TIAL1: variants seen among roughly 807,000 people sequenced by gnomAD.
TIAL1 encodes the protein TIA1 cytotoxic granule associated RNA binding protein like 1, also known as nucleolysin TIAR.
TIAL1 carries 7 observed loss-of-function variants against 59.7 expected under a neutral mutation model. That is an observed-to-expected ratio of 0.12 (90% CI 0.07 to 0.22). The LOEUF is 0.22. Ranked by LOEUF, TIAL1 falls within the 10% of genes least tolerant of loss-of-function variation. TIAL1 has a pLI of 1.00. For synonymous variants in TIAL1, 149 were observed against 146.3 expected (o/e 1.02, Z -0.13); for missense variants, 225 against 462.5 (o/e 0.49, Z 4.71).
chr10:119,596,683 C>T lies in TIAL1; in HGVS notation c.-218G>A. ...AGGAGGATGAACAAAATGGCCGCCG[C>T]CACCAGCCAGGCAGGAAACAGGGCA... is the stretch of plus-strand genomic sequence containing the variant. On this transcript the variant is annotated 5_prime_UTR_variant, in exon 1 of 12. Coordinates refer to ENST00000436547, the MANE Select transcript of TIAL1 (RefSeq NM_003252.4). The T allele has an allele frequency of 1.7e-6, 1 of 588,896 alleles. No individual in the cohort carries two copies. Among genetic ancestry groups the T allele is most frequent in the Non-Finnish European group, 3.0e-6 (1 of 330,682 alleles). 36.5% of individuals were successfully genotyped at this position (588,896 alleles called of 1,614,324 possible). A position where few individuals can be genotyped will look rare whatever the true frequency, so the allele number is the denominator to read the frequency against.
chr10:119,587,777 C>G (rs1290918707), intron 2 of TIAL1, among the ~76,000 whole-genome samples: 2 of 152,180 alleles, frequency 1.3e-5, no homozygotes, highest in African/African-American at 4.8e-5. Context: ...GTGCTGCACA[C>G]TACACACATA....
At chr10:119,590,808 G>GAAAGAAAA (rs1845840363) in intron 1 of TIAL1, among the ~76,000 whole-genome samples, 2 of 142,074 alleles carry the variant, frequency 1.4e-5, no homozygotes, top group Non-Finnish European at 3.1e-5. Context: ...AAGAAAGAAA[G>GAAAGAAAA]AAAGAAAGAA....
At position 119,596,520 on chromosome 10, in the gene TIAL1, G is replaced by A; in HGVS notation, c.-55C>T. On this transcript the variant is annotated 5_prime_UTR_variant, in exon 1 of 12. Coordinates refer to ENST00000436547, the MANE Select transcript of TIAL1 (RefSeq NM_003252.4). ...AGGGGGAGGGCAGGGTTGGGGAGGG[G>A]AGGGGGTGGGGAGGAAGGGGAGGGG... 1 of 810,474 alleles carries A rather than the reference G, an allele frequency of 1.2e-6. No homozygotes were observed. Among genetic ancestry groups the A allele is most frequent in the Admixed American group, 2.3e-5 (1 of 43,420 alleles). 50.2% of individuals were successfully genotyped at this position (810,474 alleles called of 1,614,324 possible).
In TIAL1 at chr10:119,588,258, A is replaced by G; in HGVS notation, c.33-10T>C. The stretch of plus-strand genomic sequence containing the variant: ...AAGGTTACCTACGTATCTGCACAAG[A>G]AAAAAATACGTTATCAGCAATTTTT... On this transcript the variant is annotated splice_polypyrimidine_tract_variant and intron_variant, in intron 1 of 11. Transcript: ENST00000436547. 1 of 1,532,066 alleles carries G rather than the reference A, an allele frequency of 6.5e-7. No homozygotes were observed. Among genetic ancestry groups the G allele is most frequent in the Non-Finnish European group, 8.8e-7 (1 of 1,130,448 alleles). 94.9% of individuals were successfully genotyped at this position (1,532,066 alleles called of 1,614,324 possible). A position where few individuals can be genotyped will look rare whatever the true frequency, so the allele number is the denominator to read the frequency against.
Position 119,582,635 on chromosome 10 carries a change from T to C in TIAL1, c.130-78A>G. 1 of 1,580,324 alleles carries C rather than the reference T, an allele frequency of 6.3e-7. No individual in the cohort carries two copies. Among genetic ancestry groups the C allele is most frequent in the Non-Finnish European group, 8.6e-7 (1 of 1,167,714 alleles). On this transcript the variant is annotated intron_variant, in intron 2 of 11. Transcript: ENST00000436547. The surrounding 1 kb of genome is among the most constrained non-coding windows in gnomAD (Gnocchi z 5.1). ...TGAGAAGAAAATCCAGGAAAAAACATTACTGATAGCTGGGAATATACAAGG... is the reference window on the plus strand; with the variant it reads ...TGAGAAGAAAATCCAGGAAAAAACACTACTGATAGCTGGGAATATACAAGG...
chr10:119,575,693 T>C lies in TIAL1; in HGVS notation c.1100A>G (p.Tyr367Cys). Residue 367 changes from tyrosine to cysteine, a missense_variant, in exon 12 of 12, where the codon TAT (tyrosine) becomes TGT (cysteine). Transcript: ENST00000436547. Reference protein sequence around the residue: ...PVIPPPNQAGYGMASYQTQ With the variant: ...PVIPPPNQAGCGMASYQTQ Reference sequence around the variant, plus strand: ...CTGTGTTTGGTAACTTGCCATACCATATCCGGCTTGGTTAGGAGGAGGTAT... The same window carrying C: ...CTGTGTTTGGTAACTTGCCATACCACATCCGGCTTGGTTAGGAGGAGGTAT... 1 of 1,612,948 alleles carries C rather than the reference T, an allele frequency of 6.2e-7. No individual in the cohort carries two copies. The highest frequency in any genetic ancestry group is 8.5e-7 in the Non-Finnish European group (1 of 1,179,524).
rs1844905628 is a variant in TIAL1, at chr10:119,574,908, A to G, written c.*757T>C. 6.6e-6 allele frequency: 1 copy of G among 152,648 alleles called. No individual in the cohort carries two copies. Among genetic ancestry groups the G allele is most frequent in the Non-Finnish European group, 1.5e-5 (1 of 68,040 alleles). 9.5% of individuals were successfully genotyped at this position (152,648 alleles called of 1,614,324 possible). A position where few individuals can be genotyped will look rare whatever the true frequency, so the allele number is the denominator to read the frequency against. ...TATCATTTAAACTTCATGTAAAAGC[A>G]CAAGTATGACTGTCTGACTTCAATA... On this transcript the variant is annotated 3_prime_UTR_variant, in exon 12 of 12. Transcript: ENST00000436547.
intron 1 of TIAL1, 74 bp from the exon 2 acceptor site, chr10:119,588,322 T>A: frequency 1.2e-6 from 1 of 826,204 alleles, no homozygotes; most frequent in Admixed American, 2.9e-5. Flanking sequence ...ATCTAATTCA[T>A]CACCTTTTCT....
rs1459902572 is a variant in TIAL1 at position 119,575,750 on chromosome 10, T to C, written c.1043A>G (p.Gln348Arg). 3.7e-6 allele frequency: 6 copies of C among 1,601,540 alleles called. No individual in the cohort carries two copies. The highest frequency in any genetic ancestry group is 5.1e-6 in the Non-Finnish European group (6 of 1,174,812). Reference sequence around the variant, plus strand: ...GGGAGGAGCTTGTCCTTGGGGAGGCTGAGCACCAAATCCACCCATCCAAGC... The same window carrying C: ...GGGAGGAGCTTGTCCTTGGGGAGGCCGAGCACCAAATCCACCCATCCAAGC... The part of the protein sequence containing the change: ...SAAWMGGFGA[Q>R]PPQGQAPPPV... The change falls in exon 12 of 12, where the codon CAG (glutamine) becomes CGG (arginine). Residue 348 changes from glutamine (Q) to arginine (R), a missense_variant. Around this residue, in one of 4 missense-constraint regions of TIAL1, gnomAD observed 68 missense variants for 71.3 expected, o/e 0.95. Transcript: ENST00000436547.
intron 1 of TIAL1, among the ~76,000 whole-genome samples, chr10:119,592,755 A>AGATCTATTGAAG (rs1845945990): frequency 7.3e-6 from 1 of 136,680 alleles, no homozygotes; most frequent in Non-Finnish European, 1.6e-5. Flanking sequence ...TATATATATG[A>AGATCTATTGAAG]GATATTCTCA....
chr10:119,583,545 T>C (rs1303093726), intron 2 of TIAL1, among the ~76,000 whole-genome samples: 1 of 152,204 alleles, frequency 6.6e-6, no homozygotes, highest in Non-Finnish European at 1.5e-5. Context: ...GCTAAAAACA[T>C]TCATCATTAT....
At chr10:119,588,083 G>GA in intron 2 of TIAL1, 69 bp downstream of exon 2, 1 of 948,996 alleles carries the variant, frequency 1.1e-6, no homozygotes, top group Non-Finnish European at 1.5e-6. Flanking sequence ...GGCTTACAAT[G>GA]AAATTTTAAA....
chr10:119,595,216 A>G (rs1271144827), intron 1 of TIAL1, among the ~76,000 whole-genome samples: 1 of 152,168 alleles, frequency 6.6e-6, no homozygotes, highest in Non-Finnish European at 1.5e-5. Context: ...GAAGCTAGTC[A>G]AACTTCTCGA....
At chr10:119,578,192 T>A (rs1321225344) in intron 7 of TIAL1, among the ~76,000 whole-genome samples, 1 of 119,626 alleles carries the variant, frequency 8.4e-6, no homozygotes, top group African/African-American at 3.3e-5. Context: ...ACCACTGTAC[T>A]CCAGCCTGGG....
At chr10:119,580,088 G>T in intron 5 of TIAL1, 78 bp from the exon 6 acceptor site, 1 of 1,146,824 alleles carries the variant, frequency 8.7e-7, no homozygotes, top group Non-Finnish European at 1.3e-6. Flanking sequence ...CACACACACT[G>T]TATTGTGAGC....
intron 1 of TIAL1, among the ~76,000 whole-genome samples, chr10:119,595,573 AT>A (rs1392770497): frequency 6.6e-6 from 1 of 152,242 alleles, no homozygotes; most frequent in African/African-American, 2.4e-5. Flanking sequence ...CATTCATTAG[AT>A]TGAGCTTCAG....
At position 119,577,551 on chromosome 10, in the gene TIAL1, T is replaced by C. The variant is rs779295090; in HGVS notation, c.653-16A>G. On this transcript the variant is annotated splice_polypyrimidine_tract_variant and intron_variant, in intron 8 of 11. Transcript: ENST00000436547. ...ATAAGCTGATCTATAAAACAAAACA[T>C]ACAAATAAAACATGGCTGATGTGTA... 3 of 1,611,644 alleles carry C rather than the reference T, an allele frequency of 1.9e-6. No homozygotes were observed. The highest frequency in any genetic ancestry group is 2.7e-5 in the African/African-American group (2 of 74,826).
Position 119,575,547 on chromosome 10 carries a change from A to T in TIAL1, c.*118T>A. ...AAAGCAAATCTGTGCTAAAGGTTCC[A>T]AACATTTCAATTTTTAAAATAAATA... On this transcript the variant is annotated 3_prime_UTR_variant, in exon 12 of 12. Coordinates refer to ENST00000436547, the MANE Select transcript of TIAL1 (RefSeq NM_003252.4). 7.0e-7 allele frequency: 1 copy of T among 1,425,408 alleles called. No individual in the cohort carries two copies. Among genetic ancestry groups the T allele is most frequent in the Non-Finnish European group, 9.7e-7 (1 of 1,028,598 alleles). 88.3% of individuals were successfully genotyped at this position (1,425,408 alleles called of 1,614,324 possible).
intron 1 of TIAL1, among the ~76,000 whole-genome samples, chr10:119,591,262 A>G (rs991416380): frequency 1.3e-5 from 2 of 151,928 alleles, no homozygotes; most frequent in Admixed American, 1.3e-4. Context: ...AAAATTAGCC[A>G]GGCATGGTGG....
Sources: gnomAD v4.1 joint callset for allele counts (sites outside exome capture counted in the v4.1 genomes callset) on GRCh38, gnomAD v4.1.1 for gene constraint, gnomAD v4.1.1 regional missense constraint, Gnocchi (gnomAD v3.1) non-coding constraint, MANE v1.5 for transcripts, NCBI Gene and HGNC (gene_info 2026-07-23, HGNC 2026-07-21) for gene names.